The following COG5 variants were observed in gnomAD, a reference collection of about 807,000 sequenced individuals.
The protein encoded by COG5 is conserved oligomeric Golgi complex subunit 5.
COG5 carries 86 observed loss-of-function variants against 110.4 expected under a neutral mutation model. The ratio of observed to expected loss-of-function variants is 0.78; its 90% CI spans 0.65 to 0.93. COG5 has a LOEUF of 0.93. Among genes scored for constraint, COG5 ranks in the 40% least tolerant of loss-of-function variants. The pLI, the probability that COG5 is intolerant of heterozygous loss-of-function variation, is 0.00. For synonymous variants in COG5, 360 were observed against 334.6 expected (o/e 1.08, Z -0.83); for missense variants, 1,077 against 987.0 (o/e 1.09, Z -1.22).
intron 10 of COG5, among the ~76,000 whole-genome samples, chr7:107,351,019 T>C (rs1307248199): frequency 6.6e-6 from 1 of 152,204 alleles, no homozygotes; most frequent in African/African-American, 2.4e-5. Context: ...TTTTTCTAAT[T>C]TATGTAGAAT....
chr7:107,506,378 G>T (rs1034126666), intron 6 of COG5, among the ~76,000 whole-genome samples: 1 of 152,192 alleles, frequency 6.6e-6, no homozygotes, highest in Non-Finnish European at 1.5e-5. Context: ...AAACTACCAG[G>T]GTGGCTGGAG....
At chr7:107,311,370 A>ATTTTTTTTTTTTTTT (rs71134260) in intron 11 of COG5, among the ~76,000 whole-genome samples, 1 of 58,914 alleles carries the variant, frequency 1.7e-5, no homozygotes, top group Non-Finnish European at 3.0e-5. Context: ...GCGTATTTAC[A>ATTTTTTTTTTTTTTT]TTTTTTTTTT....
In COG5 at chr7:107,260,075, G is replaced by GATATATATATATATATAT. The variant is rs143875588; in HGVS notation, c.1576-1710_1576-1693dup. ...GTGACACAGCAGTTCAACTCCTAGT[G>GATATATATATATATATAT]ATATATATATATATATATGAAATAA... On this transcript the variant is annotated intron_variant, in intron 14 of 21. Coordinates refer to ENST00000297135, the MANE Select transcript of COG5 (RefSeq NM_006348.5). Among the ~76,000 whole-genome samples the GATATATATATATATATAT allele has an allele frequency of 1.8e-3, 233 of 131,532 alleles. 1 individual carries two copies. The highest frequency in any genetic ancestry group is 0.013 in the East Asian group (61 of 4,690). The allele number at this position is 131,532 out of a possible 152,430, so 86.3% of individuals were successfully genotyped here.
intron 6 of COG5, among the ~76,000 whole-genome samples, 167 bp from the exon 7 acceptor site, chr7:107,412,799 T>C (rs1038195758): frequency 7.2e-5 from 11 of 151,964 alleles, no homozygotes; most frequent in African/African-American, 2.4e-4. Context: ...ATATTTTCTA[T>C]TTAATAAGTA....
intron 1 of COG5, among the ~76,000 whole-genome samples, chr7:107,560,646 A>G (rs1358658587): frequency 6.6e-6 from 1 of 152,244 alleles, no homozygotes; most frequent in Non-Finnish European, 1.5e-5. Context: ...AAACTACCAG[A>G]GGAAAAGATT....
intron 6 of COG5, among the ~76,000 whole-genome samples, chr7:107,491,264 C>T (rs1018647899): frequency 6.6e-6 from 1 of 152,078 alleles, no homozygotes; most frequent in African/African-American, 2.4e-5. Flanking sequence ...GATTACTTTG[C>T]TTCTTTATCT....
At chr7:107,297,662 T>C (rs1806878050) in intron 12 of COG5, among the ~76,000 whole-genome samples, 1 of 152,088 alleles carries the variant, frequency 6.6e-6, no homozygotes, top group African/African-American at 2.4e-5. Context: ...TTGATCAGGC[T>C]GGTCTCGAAC....
At chr7:107,282,821 CT>C (rs1805291242) in intron 13 of COG5, among the ~76,000 whole-genome samples, 1 of 152,116 alleles carries the variant, frequency 6.6e-6, no homozygotes, top group African/African-American at 2.4e-5. Context: ...CCACCTGTGG[CT>C]TTTTAGTCTT....
rs187212414 is a variant in COG5, at chr7:107,511,815, T to C, written c.538+15422A>G. 3.9e-5 allele frequency among the ~76,000 whole-genome samples: 6 copies of C among 152,360 alleles called. No individual in the cohort carries two copies. In the East Asian group the frequency reaches 1.2e-3, roughly 29 times the overall value. On this transcript the variant is annotated intron_variant, in intron 6 of 21. Coordinates refer to ENST00000297135, the MANE Select transcript of COG5 (RefSeq NM_006348.5). Reference sequence around the variant, plus strand: ...AAAACCACACGATTATCTCAATAGATGCAGAAAAGGCCTTTGACAAAATTC... The same window carrying C: ...AAAACCACACGATTATCTCAATAGACGCAGAAAAGGCCTTTGACAAAATTC...
intron 7 of COG5, among the ~76,000 whole-genome samples, chr7:107,398,391 G>A (rs749910016): frequency 2.0e-5 from 3 of 152,220 alleles, no homozygotes; most frequent in Non-Finnish European, 4.4e-5. Context: ...GTGAGCGGCA[G>A]GGCAGTGAGC....
intron 11 of COG5, among the ~76,000 whole-genome samples, chr7:107,323,326 C>T (rs1275573959): frequency 6.6e-5 from 10 of 152,024 alleles, no homozygotes; most frequent in Non-Finnish European, 1.3e-4. Context: ...GTCAGGAGTT[C>T]GAGACCAGCC....
intron 14 of COG5, among the ~76,000 whole-genome samples, chr7:107,271,568 GTAAATAGCCTTTTA>G (rs1562944025): frequency 6.6e-6 from 1 of 152,030 alleles, no homozygotes; most frequent in Non-Finnish European, 1.5e-5. Context: ...TGCTGCCACT[GTAAATAGCCTTTTA>G]TAAAGTAAAT....
chr7:107,344,426 C>T (rs1198161122), intron 10 of COG5, among the ~76,000 whole-genome samples: 1 of 152,196 alleles, frequency 6.6e-6, no homozygotes. Context: ...GGATATTGCT[C>T]TTGATTAGGC....
intron 5 of COG5, among the ~76,000 whole-genome samples, chr7:107,547,353 T>C (rs896522727): frequency 1.3e-5 from 2 of 152,104 alleles, no homozygotes; most frequent in African/African-American, 4.8e-5. Context: ...AAAAAAACTC[T>C]ATAGAAGGAA....
intron 10 of COG5, among the ~76,000 whole-genome samples, chr7:107,345,180 A>T (rs991126608): frequency 2.6e-5 from 4 of 152,182 alleles, no homozygotes; most frequent in Admixed American, 2.0e-4. Flanking sequence ...TTACTGATTC[A>T]GTCTGCCATC....
chr7:107,293,893 G>A (rs1378619601), intron 12 of COG5, among the ~76,000 whole-genome samples: 1 of 151,934 alleles, frequency 6.6e-6, no homozygotes, highest in East Asian at 1.9e-4. Flanking sequence ...CCAAAATGGC[G>A]AAACTCTGTC....
rs757320773 is a variant in COG5, at chr7:107,203,481, A to C, written c.*35T>G. 5.7e-6 allele frequency: 8 copies of C among 1,410,520 alleles called. No homozygotes were observed. Among genetic ancestry groups the C allele is most frequent in the Non-Finnish European group, 7.0e-6 (7 of 994,360 alleles). 87.4% of individuals were successfully genotyped at this position (1,410,520 alleles called of 1,614,324 possible). A position where few individuals can be genotyped will look rare whatever the true frequency, so the allele number is the denominator to read the frequency against. The stretch of plus-strand genomic sequence containing the variant: ...TTTAACTGCCAACTATGAATGGGTT[A>C]GCACAAAGTGGAGATGAACAAAGAT... On this transcript the variant is annotated 3_prime_UTR_variant, in exon 22 of 22. Transcript: ENST00000297135.
chr7:107,544,336 C>T (rs768396852), intron 5 of COG5, among the ~76,000 whole-genome samples: 25 of 152,306 alleles, frequency 1.6e-4, no homozygotes, highest in Non-Finnish European at 2.4e-4. Flanking sequence ...AAGGCCGGTC[C>T]AAGTGCCAGG....
intron 7 of COG5, among the ~76,000 whole-genome samples, chr7:107,382,883 C>T (rs760343973): frequency 6.6e-6 from 1 of 152,172 alleles, no homozygotes; most frequent in Admixed American, 6.5e-5. Flanking sequence ...TTTTCGCCTA[C>T]ATTTTAGACT....
Sources: gnomAD v4.1 joint callset for allele counts (sites outside exome capture counted in the v4.1 genomes callset) on GRCh38, gnomAD v4.1.1 for gene constraint, MANE v1.5 for transcripts, NCBI Gene and HGNC (gene_info 2026-07-23, HGNC 2026-07-21) for gene names.